The following CYTH2 variants were observed in gnomAD, a reference collection of about 807,000 sequenced individuals.
CYTH2 encodes the protein cytohesin-2.
A neutral mutation model predicts 55.4 loss-of-function variants in CYTH2; 24 were observed. The observed-to-expected ratio is 0.43, with a 90% CI of 0.31 to 0.61. The LOEUF is 0.61. Ranked by LOEUF, CYTH2 falls within the 20% of genes least tolerant of loss-of-function variation. CYTH2 has a pLI of 0.08. For synonymous variants in CYTH2, 221 were observed against 209.6 expected, an observed-to-expected ratio of 1.05 and a Z score of -0.47; for missense variants, 378 against 533.5, an observed-to-expected ratio of 0.71 and a Z score of 2.87.
At chr19:48,475,332 C>T (rs1783228139) in intron 8 of CYTH2, 3 of 190,292 alleles carry the variant, frequency 1.6e-5, no homozygotes, top group South Asian at 1.1e-4. Context: ...AATCTATTCC[C>T]CTTGGCAAGA....
Position 48,473,979 on chromosome 19 carries a change from G to A in CYTH2, c.509G>A (p.Arg170Gln), listed in dbSNP as rs537835463. 5 of 1,613,690 alleles carry A rather than the reference G, an allele frequency of 3.1e-6. No homozygotes were observed. Among genetic ancestry groups the A allele is most frequent in the Non-Finnish European group, 4.2e-6 (5 of 1,179,782 alleles). The change falls in exon 6 of 12, where the codon CGA becomes CAA. Residue 170 changes from arginine (R) to glutamine (Q), a missense_variant. By Grantham distance (43) the Arg-to-Gln change is conservative. Coordinates refer to ENST00000452733, the MANE Select transcript of CYTH2 (RefSeq NM_004228.7). ...CGGATGATGGAGGCCTTCGCCCAGC[G>A]ATACTGCCTGTGCAACCCTGGGGTT... ...IDRMMEAFAQ[R>Q]YCLCNPGVFQ... is the part of the protein sequence containing the mutation.
intron 8 of CYTH2, chr19:48,475,890 G>A (rs896922196): frequency 1.2e-5 from 4 of 338,896 alleles, no homozygotes; most frequent in African/African-American, 6.5e-5. Flanking sequence ...ATGGAGACAC[G>A]GTGCACAGCT....
At chr19:48,475,899 C>A in intron 8 of CYTH2, 1 of 395,598 alleles carries the variant, frequency 2.5e-6, no homozygotes, top group South Asian at 1.8e-5. Flanking sequence ...CGGTGCACAG[C>A]TGCTCCAGAG....
At chr19:48,471,240 A>C (rs1287502642) in intron 3 of CYTH2, among the ~76,000 whole-genome samples, 2 of 151,026 alleles carry the variant, frequency 1.3e-5, no homozygotes, top group Non-Finnish European at 2.9e-5. Context: ...CGGCTCACTA[A>C]CCTCCGCCTC....
rs767066686 is a variant in CYTH2 at position 48,470,140 on chromosome 19, G to A, written c.20-213G>A. ...CTTCTCCCTCAGACTCAGGAATCCG[G>A]GCCCCAATTCCCCTTGTCCCCCAGG... On this transcript the variant is annotated intron_variant, in intron 1 of 11. Coordinates refer to ENST00000452733, the MANE Select transcript of CYTH2 (RefSeq NM_004228.7). 4.3e-4 allele frequency: 342 copies of A among 790,482 alleles called. 3 individuals carry two copies. Among genetic ancestry groups the A allele is most frequent in the South Asian group, 2.9e-3 (199 of 69,132 alleles). 49.0% of individuals were successfully genotyped at this position (790,482 alleles called of 1,614,324 possible).
chr19:48,472,426 G>A lies in CYTH2; in HGVS notation c.336G>A (p.Gly112=). 1 of 1,613,480 alleles carries A rather than the reference G, an allele frequency of 6.2e-7. No individual in the cohort carries two copies. Among genetic ancestry groups the A allele is most frequent in the Non-Finnish European group, 8.5e-7 (1 of 1,179,992 alleles). ...KGEGLNKTAI[G]DYLGEREELN... is the part of the protein sequence containing the mutation. ...AGGGGCTGAACAAGACAGCCATCGG[G>A]GACTACCTGGGGGAGAGGTACGGTC... The change falls in exon 4 of 12, where the codon GGG becomes GGA. Residue 112 remains glycine (G), a synonymous_variant. Coordinates refer to ENST00000452733, the MANE Select transcript of CYTH2 (RefSeq NM_004228.7).
At position 48,474,973 on chromosome 19, in the gene CYTH2, G is replaced by A. The variant is rs779054149; in HGVS notation, c.808+24G>A. 2 of 1,606,732 alleles carry A rather than the reference G, an allele frequency of 1.2e-6. No homozygotes were observed. Among genetic ancestry groups the A allele is most frequent in the South Asian group, 2.2e-5 (2 of 90,852 alleles). On this transcript the variant is annotated intron_variant, in intron 8 of 11. Transcript: ENST00000452733. This position sits in a 1 kb window ranked among gnomAD's most constrained non-coding sequence, Gnocchi z 4.9. ...GGGTACGTGCCCTCCCGACCCCGCT[G>A]GTCCCTCCGCAGGAGGACATTTGTG...
chr19:48,470,625 A>C lies in CYTH2; in HGVS notation c.190A>C (p.Lys64Gln). Residue 64 changes from lysine (K) to glutamine (Q), a missense_variant, in exon 3 of 12, where the codon AAG becomes CAG. By Grantham distance (53) the Lys-to-Gln change is moderately conservative. Coordinates refer to ENST00000452733, the MANE Select transcript of CYTH2 (RefSeq NM_004228.7). ...CAGTAAGACCTTGCAACGGAACCGG[A>C]AGATGGCAATGGGCAGGAAGAAGTT... ...EGSKTLQRNR[K>Q]MAMGRKKFNM... The C allele has an allele frequency of 6.2e-7, 1 of 1,614,226 alleles. No individual in the cohort carries two copies. The highest frequency in any genetic ancestry group is 8.5e-7 in the Non-Finnish European group (1 of 1,180,038).
At chr19:48,470,194 C>G (rs908502806) in intron 1 of CYTH2, among the ~76,000 whole-genome samples, 159 bp from the exon 2 acceptor site, 14 of 152,012 alleles carry the variant, frequency 9.2e-5, no homozygotes, top group African/African-American at 3.4e-4. Flanking sequence ...CCAGCTCTTT[C>G]TCCTCTGCAG....
In CYTH2 at chr19:48,470,674, T is replaced by G; in HGVS notation, c.234+5T>G. 1.2e-6 allele frequency: 2 copies of G among 1,614,160 alleles called. No homozygotes were observed. The highest frequency in any genetic ancestry group is 1.7e-6 in the Non-Finnish European group (2 of 1,180,022). ...TTCAACATGGACCCCAAGAAGGTGC[T>G]TGGGGCCACAGGACTGGGATCAGCT... On this transcript the variant is annotated splice_donor_5th_base_variant and intron_variant, in intron 3 of 11. Transcript: ENST00000452733.
At position 48,478,156 on chromosome 19, in the gene CYTH2, C is replaced by CTCA; in HGVS notation, c.885+11_885+12insTCA. The CTCA allele has an allele frequency of 6.2e-7, 1 of 1,613,706 alleles. No homozygotes were observed. Among genetic ancestry groups the CTCA allele is most frequent in the South Asian group, 1.1e-5 (1 of 91,072 alleles). On this transcript the variant is annotated intron_variant, in intron 9 of 11. Coordinates refer to ENST00000452733, the MANE Select transcript of CYTH2 (RefSeq NM_004228.7). ...TTTGAGTACACCACGGTGAGCGTGA[C>CTCA]CCGACCCGGGCTCTGGGGTCCTGGG...
In CYTH2 at chr19:48,474,990, A is replaced by C. The variant is rs541999964; in HGVS notation, c.808+41A>C. The C allele has an allele frequency of 1.3e-6, 2 of 1,578,538 alleles. No individual in the cohort carries two copies. The highest frequency in any genetic ancestry group is 2.7e-5 in the African/African-American group (2 of 73,754). On this transcript the variant is annotated intron_variant, in intron 8 of 11. Coordinates refer to ENST00000452733, the MANE Select transcript of CYTH2 (RefSeq NM_004228.7). This position sits in a 1 kb window ranked among gnomAD's most constrained non-coding sequence, Gnocchi z 4.9. Reference sequence around the variant, plus strand: ...ACCCCGCTGGTCCCTCCGCAGGAGGACATTTGTGGGCCTGGGCCCTGGACT... The same window carrying C: ...ACCCCGCTGGTCCCTCCGCAGGAGGCCATTTGTGGGCCTGGGCCCTGGACT...
At position 48,474,207 on chromosome 19, in the gene CYTH2, C is replaced by T. The variant is rs756912419; in HGVS notation, c.573C>T (p.Ala191=). Residue 191 remains alanine, a synonymous_variant, in exon 7 of 12, where the codon GCC becomes GCT. Transcript: ENST00000452733. The surrounding 1 kb of genome is among the most constrained non-coding windows in gnomAD (Gnocchi z 4.9). ...STDTCYVLSF[A]VIMLNTSLHN... ...ACACGTGCTATGTGCTGTCCTTCGC[C>T]GTCATCATGCTCAACACCAGTCTCC... 3.7e-6 allele frequency: 6 copies of T among 1,607,792 alleles called. No individual in the cohort carries two copies. In the East Asian group the frequency reaches 6.7e-5, roughly 18 times the overall value.
rs1025648381 is a variant in CYTH2 at position 48,474,463 on chromosome 19, G to T, written c.696+133G>T. The T allele has an allele frequency of 4.0e-6, 4 of 991,990 alleles. No homozygotes were observed. The African/African-American group carries it at 6.6e-5, about 16-fold the overall frequency. The allele number at this position is 991,990 out of a possible 1,614,324, so 61.4% of individuals were successfully genotyped here. A position where few individuals can be genotyped will look rare whatever the true frequency, so the allele number is the denominator to read the frequency against. On this transcript the variant is annotated intron_variant, in intron 7 of 11. Coordinates refer to ENST00000452733, the MANE Select transcript of CYTH2 (RefSeq NM_004228.7). This position sits in a 1 kb window ranked among gnomAD's most constrained non-coding sequence, Gnocchi z 4.9. ...ATGGTGCGATCATGCCAACTCGTGTGTGATCTTTTTCTCTCTCTCTGGGTG... is the reference window on the plus strand; with the variant it reads ...ATGGTGCGATCATGCCAACTCGTGTTTGATCTTTTTCTCTCTCTCTGGGTG...
chr19:48,473,153 T>TG, intron 4 of CYTH2, 145 bp from the exon 5 acceptor site: 1 of 797,108 alleles, frequency 1.3e-6, no homozygotes, highest in South Asian at 1.6e-5. Flanking sequence ...GGCAGGCCTG[T>TG]GTGGGAGTCC....
chr19:48,469,708 C>G, intron 1 of CYTH2, 182 bp downstream of exon 1: 1 of 991,954 alleles, frequency 1.0e-6, no homozygotes, highest in Non-Finnish European at 1.4e-6. Context: ...GCCGGGCGTT[C>G]CAGGCCATTG....
At chr19:48,471,668 A>C (rs1483198984) in intron 3 of CYTH2, among the ~76,000 whole-genome samples, 2 of 152,242 alleles carry the variant, frequency 1.3e-5, no homozygotes, top group Non-Finnish European at 2.9e-5. Context: ...CAGGGCTTCG[A>C]GTTCACAGCC....
At chr19:48,471,395 G>T (rs529054618) in intron 3 of CYTH2, among the ~76,000 whole-genome samples, 1 of 152,018 alleles carries the variant, frequency 6.6e-6, no homozygotes, top group East Asian at 1.9e-4. Flanking sequence ...CAGGTGATCC[G>T]CCCGCCTCAG....
At position 48,479,578 on chromosome 19, in the gene CYTH2, T is replaced by G. The variant is rs1972010915; in HGVS notation, c.*368T>G. ...AGGGAGAAGGTTAATATGGTGGGAG[T>G]CTGGAGTTGGAATTGGCCGGGGACA... On this transcript the variant is annotated 3_prime_UTR_variant, in exon 12 of 12. Coordinates refer to ENST00000452733, the MANE Select transcript of CYTH2 (RefSeq NM_004228.7). 1 of 228,160 alleles carries G rather than the reference T, an allele frequency of 4.4e-6. No individual in the cohort carries two copies. Among genetic ancestry groups the G allele is most frequent in the South Asian group, 8.6e-5 (1 of 11,596 alleles). The allele number at this position is 228,160 out of a possible 1,614,324, so 14.1% of individuals were successfully genotyped here.
Sources: allele counts gnomAD v4.1 joint callset (sites outside exome capture counted in the v4.1 genomes callset), GRCh38; gene constraint gnomAD v4.1.1; non-coding constraint Gnocchi (gnomAD v3.1); transcripts MANE v1.5; gene names NCBI Gene and HGNC (gene_info 2026-07-23, HGNC 2026-07-21).